The following GRIK4 variants were observed in gnomAD, a reference collection of about 807,000 sequenced individuals.
GRIK4 encodes glutamate receptor ionotropic, kainate 4.
In GRIK4, 40 loss-of-function variants were observed where a neutral mutation model predicts 104.9. The observed-to-expected ratio is 0.38, with a 90% CI of 0.30 to 0.50. The LOEUF is 0.50. Ranked by LOEUF, GRIK4 falls within the 20% of genes least tolerant of loss-of-function variation. The pLI is 0.93. For synonymous variants in GRIK4, 485 were observed against 524.9 expected, an observed-to-expected ratio of 0.92 and a Z score of 1.04; for missense variants, 1,047 against 1,308.1, an observed-to-expected ratio of 0.80 and a Z score of 3.08.
At chr11:120,693,306 T>C (rs943697640) in intron 3 of GRIK4, among the ~76,000 whole-genome samples, 3 of 151,970 alleles carry the variant, frequency 2.0e-5, no homozygotes, top group African/African-American at 7.3e-5. Context: ...GGTTTCACCA[T>C]GTTGGCCAGG....
chr11:120,938,122 T>C (rs1227725131), intron 13 of GRIK4, among the ~76,000 whole-genome samples: 1 of 152,164 alleles, frequency 6.6e-6, no homozygotes, highest in Non-Finnish European at 1.5e-5. Context: ...CAGGTAGGGG[T>C]TGGCTACCAA....
chr11:120,743,486 C>T (rs768374329), intron 3 of GRIK4, among the ~76,000 whole-genome samples: 2 of 152,058 alleles, frequency 1.3e-5, no homozygotes, highest in Non-Finnish European at 2.9e-5. Context: ...GGGCTTAATA[C>T]CTGGGTGATG....
intron 13 of GRIK4, among the ~76,000 whole-genome samples, chr11:120,919,909 C>G (rs943618945): frequency 5.3e-5 from 8 of 151,928 alleles, no homozygotes; most frequent in Non-Finnish European, 7.4e-5. Flanking sequence ...GAAAGAGTAG[C>G]TTTAGACGGC....
intron 3 of GRIK4, among the ~76,000 whole-genome samples, chr11:120,712,246 T>C (rs535291263): frequency 4.6e-4 from 70 of 152,222 alleles, no homozygotes; most frequent in African/African-American, 1.6e-3. Flanking sequence ...GGTCCTGATG[T>C]CCAGCCATGC....
chr11:120,913,856 T>TAAAAA (rs36119057), intron 13 of GRIK4, among the ~76,000 whole-genome samples: 1 of 132,744 alleles, frequency 7.5e-6, no homozygotes. Context: ...TTTGCTGAAC[T>TAAAAA]AAAAAAAAAA....
intron 1 of GRIK4, among the ~76,000 whole-genome samples, chr11:120,629,287 T>A (rs1949303008): frequency 6.6e-6 from 1 of 152,226 alleles, no homozygotes; most frequent in Non-Finnish European, 1.5e-5. Flanking sequence ...TTTCCCTTCC[T>A]ATGTGAGCTT....
At position 120,513,385 on chromosome 11, in the gene GRIK4, G is replaced by A. The variant is rs1304981547; in HGVS notation, c.-159+1498G>A. 1.3e-5 allele frequency among the ~76,000 whole-genome samples: 2 copies of A among 152,116 alleles called. No homozygotes were observed. The highest frequency in any genetic ancestry group is 2.9e-5 in the Non-Finnish European group (2 of 68,018). The stretch of plus-strand genomic sequence containing the variant: ...CAAATCCGGTCCTGCCTGACTCCCT[G>A]ACTGTCTGTGCTCGCGTGGTCAGGG... On this transcript the variant is annotated intron_variant, in intron 1 of 20. Transcript: ENST00000527524. The surrounding 1 kb of genome is among the most constrained non-coding windows in gnomAD (Gnocchi z 4.5).
At chr11:120,969,949 A>G (rs967752081) in intron 19 of GRIK4, among the ~76,000 whole-genome samples, 1 of 152,180 alleles carries the variant, frequency 6.6e-6, no homozygotes, top group Non-Finnish European at 1.5e-5. Context: ...TCAATGCACT[A>G]TGCTGCAATC....
intron 15 of GRIK4, among the ~76,000 whole-genome samples, chr11:120,954,706 C>T (rs1944093561): frequency 6.6e-6 from 1 of 151,882 alleles, no homozygotes; most frequent in Non-Finnish European, 1.5e-5. Flanking sequence ...AAACACACCC[C>T]CTCCAGCATC....
intron 4 of GRIK4, among the ~76,000 whole-genome samples, chr11:120,807,471 G>A (rs1952737791): frequency 6.6e-6 from 1 of 152,086 alleles, no homozygotes; most frequent in East Asian, 1.9e-4. Flanking sequence ...CTGGTTATCC[G>A]GGCCTCCTGT....
At chr11:120,913,254 A>C (rs1039095207) in intron 13 of GRIK4, among the ~76,000 whole-genome samples, 4 of 152,138 alleles carry the variant, frequency 2.6e-5, no homozygotes, top group African/African-American at 9.7e-5. Flanking sequence ...ATCTCCCTGC[A>C]GCCACAATTG....
intron 3 of GRIK4, among the ~76,000 whole-genome samples, chr11:120,784,676 C>G (rs865849169): frequency 1.2e-4 from 18 of 152,068 alleles, no homozygotes; most frequent in Admixed American, 5.9e-4. Flanking sequence ...CAGAAGACAG[C>G]ATGGAGTGAT....
At chr11:120,588,116 G>A (rs991042553) in intron 1 of GRIK4, among the ~76,000 whole-genome samples, 3 of 152,124 alleles carry the variant, frequency 2.0e-5, no homozygotes, top group Admixed American at 1.3e-4. Flanking sequence ...GCGGCCAGAG[G>A]GGCACGAGAC....
chr11:120,846,624 C>G (rs145639174), intron 8 of GRIK4, among the ~76,000 whole-genome samples: 81 of 152,296 alleles, frequency 5.3e-4, no homozygotes, highest in African/African-American at 1.9e-3. Flanking sequence ...TGATGTCCTT[C>G]TGCTATGCAC....
At chr11:120,924,632 A>G (rs556656415) in intron 13 of GRIK4, among the ~76,000 whole-genome samples, 6 of 152,028 alleles carry the variant, frequency 3.9e-5, no homozygotes, top group African/African-American at 1.4e-4. Context: ...AAAGGTAACC[A>G]TTATTCCAAA....
intron 3 of GRIK4, among the ~76,000 whole-genome samples, chr11:120,669,969 T>C (rs191811467): frequency 6.6e-6 from 1 of 152,264 alleles, no homozygotes; most frequent in Admixed American, 6.5e-5. Context: ...CAAAATCGAG[T>C]TATTGATTCT....
chr11:120,566,620 C>T (rs1948327055), intron 1 of GRIK4, among the ~76,000 whole-genome samples: 2 of 151,976 alleles, frequency 1.3e-5, no homozygotes, highest in African/African-American at 4.8e-5. Flanking sequence ...GGTTTCATTA[C>T]TGGTGAGCAA....
chr11:120,874,572 T>A (rs1954721067), intron 10 of GRIK4, among the ~76,000 whole-genome samples: 1 of 152,238 alleles, frequency 6.6e-6, no homozygotes, highest in Non-Finnish European at 1.5e-5. Context: ...TGCTGGAGAC[T>A]GGCATCCCTC....
chr11:120,613,309 C>T (rs1010091896), intron 1 of GRIK4, among the ~76,000 whole-genome samples: 2 of 152,178 alleles, frequency 1.3e-5, no homozygotes, highest in African/African-American at 4.8e-5. Flanking sequence ...GACATGCCCC[C>T]ACAGTGGGAC....
Sources: gnomAD v4.1 joint callset for allele counts (sites outside exome capture counted in the v4.1 genomes callset) on GRCh38, gnomAD v4.1.1 for gene constraint, Gnocchi (gnomAD v3.1) non-coding constraint, MANE v1.5 for transcripts, NCBI Gene and HGNC (gene_info 2026-07-23, HGNC 2026-07-21) for gene names.